LDLRAD4: variants seen among roughly 807,000 people sequenced by gnomAD.
The protein encoded by LDLRAD4 is low density lipoprotein receptor class A domain containing 4.
Under a neutral mutation model 17.0 loss-of-function variants are expected in LDLRAD4, and 5 were observed. The ratio of observed to expected loss-of-function variants is 0.29; its 90% CI spans 0.15 to 0.62. The LOEUF is 0.62. Ranked by LOEUF, LDLRAD4 falls within the 20% of genes least tolerant of loss-of-function variation. LDLRAD4 has a pLI of 0.84. For missense variants in LDLRAD4, 340 were observed against 424.7 expected (o/e 0.80, Z 1.75); for synonymous variants, 168 against 171.8 (o/e 0.98, Z 0.17).
exon 6 of LDLRAD4, chr18:13,648,059 G>A (rs1418137674): frequency 1.3e-5 from 2 of 152,282 alleles, no homozygotes; most frequent in Admixed American, 6.5e-5. Flanking sequence ...GCCCACAGAT[G>A]CGGAGGCGAG....
At chr18:13,452,822 G>A (rs986377172) in intron 3 of LDLRAD4, among the ~76,000 whole-genome samples, 7 of 152,106 alleles carry the variant, frequency 4.6e-5, no homozygotes, top group African/African-American at 1.7e-4. Flanking sequence ...AGAACTCATC[G>A]GACCCCTCCT....
intron 1 of LDLRAD4, among the ~76,000 whole-genome samples, chr18:13,270,233 T>C (rs754273740): frequency 1.3e-5 from 2 of 151,936 alleles, no homozygotes; most frequent in Non-Finnish European, 2.9e-5. Context: ...CCTGGTGGCG[T>C]GCCTACCTGT....
intron 2 of LDLRAD4, among the ~76,000 whole-genome samples, chr18:13,389,158 C>G (rs2145254942): frequency 6.6e-6 from 1 of 152,308 alleles, no homozygotes; most frequent in South Asian, 2.1e-4. Flanking sequence ...TACCTGCAGC[C>G]CAGCTGTCTA....
intron 1 of LDLRAD4, among the ~76,000 whole-genome samples, chr18:13,270,010 C>T (rs1215104468): frequency 1.3e-5 from 2 of 152,168 alleles, no homozygotes; most frequent in African/African-American, 2.4e-5. Context: ...TGCAAACACA[C>T]CAGGGCTGTC....
intron 3 of LDLRAD4, chr18:13,500,568 C>G (rs566571747): frequency 2.0e-5 from 3 of 152,330 alleles, no homozygotes; most frequent in Non-Finnish European, 2.9e-5. Context: ...CTGTCCCTTT[C>G]GGCGGTCCTT....
At chr18:13,256,332 TC>T (rs2043500330) in intron 1 of LDLRAD4, among the ~76,000 whole-genome samples, 1 of 151,996 alleles carries the variant, frequency 6.6e-6, no homozygotes. Context: ...TAAAATAGGG[TC>T]CCTTTCTTGG....
intron 3 of LDLRAD4, among the ~76,000 whole-genome samples, chr18:13,577,214 G>A (rs771625522): frequency 6.6e-6 from 1 of 152,188 alleles, no homozygotes; most frequent in Non-Finnish European, 1.5e-5. Context: ...TGGGCATGCT[G>A]TTCCATGCCT....
At chr18:13,581,446 TTC>T (rs2094856316) in intron 3 of LDLRAD4, among the ~76,000 whole-genome samples, 1 of 152,234 alleles carries the variant, frequency 6.6e-6, no homozygotes, top group Admixed American at 6.5e-5. Context: ...AGCTGCTGCA[TTC>T]TGTTTTCCCT....
intron 1 of LDLRAD4, among the ~76,000 whole-genome samples, chr18:13,331,562 C>G (rs576853031): frequency 1.3e-5 from 2 of 152,218 alleles, no homozygotes; most frequent in Non-Finnish European, 2.9e-5. Flanking sequence ...ATGTTTTCTT[C>G]CGAGTTTTGC....
chr18:13,262,404 G>GTGC (rs1471279026), intron 1 of LDLRAD4, among the ~76,000 whole-genome samples: 12 of 141,724 alleles, frequency 8.5e-5, no homozygotes, highest in Admixed American at 4.8e-4. Flanking sequence ...GTGGCTCTGT[G>GTGC]CGTGGGGGCT....
In LDLRAD4 at chr18:13,606,900, C is replaced by T. The variant is rs535119630; in HGVS notation, c.182-14217C>T. ...AACAAGAGCTGCATTAACAGGCAGA[C>T]GAGACACATAAAATGGCTCCAAGAG... On this transcript the variant is annotated intron_variant, in intron 3 of 5. Coordinates refer to ENST00000359446, the Ensembl canonical transcript of LDLRAD4. Among the ~76,000 whole-genome samples, 41 of 152,260 alleles carry T rather than the reference C, an allele frequency of 2.7e-4. No individual in the cohort carries two copies. The South Asian group carries it at 2.9e-3, about 11-fold the overall frequency.
At chr18:13,550,766 G>A (rs924114433) in intron 3 of LDLRAD4, among the ~76,000 whole-genome samples, 7 of 152,216 alleles carry the variant, frequency 4.6e-5, no homozygotes, top group African/African-American at 1.7e-4. Flanking sequence ...GAGAGCCTGG[G>A]AAGAGCGAGA....
chr18:13,582,372 G>A (rs1000015134), intron 3 of LDLRAD4, among the ~76,000 whole-genome samples: 3 of 152,236 alleles, frequency 2.0e-5, no homozygotes, highest in Non-Finnish European at 2.9e-5. Context: ...TGGTAGCTGC[G>A]CCATCAATCA....
chr18:13,400,710 C>T (rs1395097806), intron 2 of LDLRAD4, among the ~76,000 whole-genome samples: 2 of 152,236 alleles, frequency 1.3e-5, no homozygotes, highest in Non-Finnish European at 2.9e-5. Flanking sequence ...CTCGCACATT[C>T]TTTCAAAATG....
intron 3 of LDLRAD4, chr18:13,525,989 A>G (rs1224237168): frequency 6.6e-6 from 1 of 152,164 alleles, no homozygotes; most frequent in Admixed American, 6.5e-5. Context: ...CTATTTCAGA[A>G]TACTTTTTAG....
intron 1 of LDLRAD4, among the ~76,000 whole-genome samples, chr18:13,371,767 AAG>A (rs147105801): frequency 3.3e-5 from 5 of 151,682 alleles, no homozygotes; most frequent in Non-Finnish European, 5.9e-5. Flanking sequence ...TCTGTCTCAA[AAG>A]AGAGAGAGAG....
chr18:13,506,438 C>G (rs992109902), intron 3 of LDLRAD4, among the ~76,000 whole-genome samples: 2 of 145,530 alleles, frequency 1.4e-5, no homozygotes, highest in South Asian at 2.2e-4. Flanking sequence ...TCCAGCAGGA[C>G]TTTTTATTTC....
At chr18:13,255,523 G>A (rs947760994) in intron 1 of LDLRAD4, among the ~76,000 whole-genome samples, 4 of 152,230 alleles carry the variant, frequency 2.6e-5, no homozygotes, top group African/African-American at 4.8e-5. Flanking sequence ...GCACATACAG[G>A]CATGTGTGAA....
At chr18:13,363,338 A>G (rs1166124860) in intron 1 of LDLRAD4, among the ~76,000 whole-genome samples, 3 of 148,814 alleles carry the variant, frequency 2.0e-5, no homozygotes, top group Non-Finnish European at 4.5e-5. Flanking sequence ...TCTCAAAAAA[A>G]AAAAAAAAAA....
Sources: allele counts gnomAD v4.1 joint callset (sites outside exome capture counted in the v4.1 genomes callset), GRCh38; gene constraint gnomAD v4.1.1; transcripts MANE v1.5; gene names NCBI Gene and HGNC (gene_info 2026-07-23, HGNC 2026-07-21).